The following MACF1 variants were observed in gnomAD, a reference collection of about 807,000 sequenced individuals.
MACF1 encodes the protein microtubule actin crosslinking factor 1, also known as microtubule-actin cross-linking factor 1.
In MACF1, 193 loss-of-function variants were observed where a neutral mutation model predicts 854.8. The ratio of observed to expected loss-of-function variants is 0.23; its 90% CI spans 0.20 to 0.25. The LOEUF is 0.25. Among genes scored for constraint, MACF1 ranks in the 10% least tolerant of loss-of-function variants. The probability of loss-of-function intolerance (pLI) is 1.00; values close to 1 mark genes in which losing one functional copy is unlikely to be tolerated. For synonymous variants in MACF1, 3,185 were observed against 3,226.7 expected (o/e 0.99, Z 0.44); for missense variants, 7,722 against 8,929.1 (o/e 0.86, Z 5.45).
At chr1:39,125,558 G>A (rs887848685) in intron 2 of MACF1, among the ~76,000 whole-genome samples, 5 of 152,140 alleles carry the variant, frequency 3.3e-5, no homozygotes, top group Admixed American at 3.3e-4. Flanking sequence ...AGATTCAAAA[G>A]GATTTAGACC....
At chr1:39,394,239 T>TTTGATTGATTGA (rs57627120) in intron 58 of MACF1, among the ~76,000 whole-genome samples, 3 of 149,578 alleles carry the variant, frequency 2.0e-5, no homozygotes, top group Non-Finnish European at 2.9e-5. Flanking sequence ...AACGCCTTCA[T>TTTGATTGATTGA]TTGATTGATT....
chr1:39,185,304 AAC>A (rs1553159283), intron 2 of MACF1, among the ~76,000 whole-genome samples: 2 of 151,154 alleles, frequency 1.3e-5, no homozygotes, highest in East Asian at 3.9e-4. Context: ...AAAAAAAAAA[AAC>A]AAAAAAGGAA....
upstream of MACF1, among the ~76,000 whole-genome samples, chr1:39,203,191 G>T (rs1201460951): frequency 1.3e-5 from 2 of 152,028 alleles, no homozygotes; most frequent in Non-Finnish European, 2.9e-5. Context: ...CTATATCATA[G>T]TGTAATAGGT....
intron 36 of MACF1, among the ~76,000 whole-genome samples, chr1:39,330,762 C>T (rs996699570): frequency 1.3e-5 from 2 of 151,172 alleles, no homozygotes; most frequent in African/African-American, 4.9e-5. Context: ...TTATCCCATG[C>T]TGGGTTTTCC....
intron 38 of MACF1, among the ~76,000 whole-genome samples, 159 bp downstream of exon 38, chr1:39,337,490 A>T (rs1003445476): frequency 6.6e-6 from 1 of 151,944 alleles, no homozygotes; most frequent in African/African-American, 2.4e-5. Flanking sequence ...CTACATTTGG[A>T]TAGACCGGAT....
In MACF1 at chr1:39,349,616, A is replaced by G; in HGVS notation, c.10954A>G (p.Ser3652Gly). 6.2e-7 allele frequency: 1 copy of G among 1,613,994 alleles called. No individual in the cohort carries two copies. The highest frequency in any genetic ancestry group is 8.5e-7 in the Non-Finnish European group (1 of 1,179,944). ...TCTCTCTGCTTTGCAGAAGAACCAA[A>G]GTGACTTGAAGGTCAGTGTGAATCT... ...QDLSALQKNQ[S>G]DLKDLQDDIQ... Residue 3652 changes from serine to glycine, a missense_variant, in exon 42 of 101, where the codon AGT (serine) becomes GGT (glycine). Around this residue, in one of 15 missense-constraint regions of MACF1, gnomAD observed 2,807 missense variants for 3,235.8 expected, o/e 0.87. Coordinates refer to ENST00000564288, the MANE Select transcript of MACF1 (RefSeq NM_001394062.1).
At chr1:39,154,614 T>G (rs1643646389) in intron 2 of MACF1, among the ~76,000 whole-genome samples, 1 of 152,194 alleles carries the variant, frequency 6.6e-6, no homozygotes, top group African/African-American at 2.4e-5. Flanking sequence ...CTCATTGGTC[T>G]AGATCTTTCT....
At chr1:39,153,515 C>T (rs1041055734) in intron 2 of MACF1, among the ~76,000 whole-genome samples, 1 of 152,156 alleles carries the variant, frequency 6.6e-6, no homozygotes, top group Non-Finnish European at 1.5e-5. Context: ...TGAGCTTATT[C>T]GAGGGTCTGT....
At chr1:39,136,440 T>TC (rs1266839835) in intron 2 of MACF1, among the ~76,000 whole-genome samples, 2 of 152,210 alleles carry the variant, frequency 1.3e-5, no homozygotes, top group Non-Finnish European at 2.9e-5. Flanking sequence ...CAACTGTGGA[T>TC]TCTCCTGTTT....
intron 2 of MACF1, among the ~76,000 whole-genome samples, chr1:39,095,954 A>AACCGGGAGGCAGAGGTC (rs1288085932): frequency 6.6e-6 from 1 of 152,006 alleles, no homozygotes; most frequent in African/African-American, 2.4e-5. Flanking sequence ...GAATCACTTG[A>AACCGGGAGGCAGAGGTC]GTCTGGGATA....
chr1:39,452,004 G>A (rs568391278), intron 85 of MACF1, 152 bp from the exon 86 acceptor site: 15 of 632,220 alleles, frequency 2.4e-5, no homozygotes, highest in African/African-American at 7.4e-5. Flanking sequence ...CACTGCGCCC[G>A]GCCTGGTTGT....
intron 1 of MACF1, among the ~76,000 whole-genome samples, chr1:39,225,597 T>A (rs1438175249): frequency 1.3e-5 from 2 of 152,208 alleles, no homozygotes; most frequent in South Asian, 2.1e-4. Flanking sequence ...AATCTGAAAC[T>A]TAGATGGACA....
rs1646767858 is a variant in MACF1 at position 39,333,820 on chromosome 1, T to G, written c.7232T>G (p.Ile2411Ser). ...GAGAGGCAGGTGGTGACTGGTGGAA[T>G]TATTGATCTGAAACGAGGCAAAAAA... Reference protein sequence around the residue: ...ILERQVVTGGIIDLKRGKKVS... With the variant: ...ILERQVVTGGSIDLKRGKKVS... The change falls in exon 37 of 101, where the codon ATT becomes AGT. Residue 2411 changes from isoleucine (I) to serine (S), a missense_variant. Ile to Ser is a moderately radical substitution (Grantham distance 142). This residue lies in a region of MACF1 where 1,531 missense variants were observed against 1,601.6 expected (regional missense o/e 0.96). Transcript: ENST00000564288. The G allele has an allele frequency of 6.2e-7, 1 of 1,614,014 alleles. No individual in the cohort carries two copies. The highest frequency in any genetic ancestry group is 1.7e-5 in the Admixed American group (1 of 59,994).
chr1:39,417,380 A>C (rs1034527021), intron 58 of MACF1, among the ~76,000 whole-genome samples: 2 of 152,206 alleles, frequency 1.3e-5, no homozygotes, highest in Non-Finnish European at 2.9e-5. Context: ...TAAGGGTTCT[A>C]TAAGATTACA....
intron 70 of MACF1, 77 bp downstream of exon 70, chr1:39,435,838 C>G (rs1404556677): frequency 1.5e-6 from 2 of 1,324,686 alleles, no homozygotes; most frequent in African/African-American, 1.5e-5. Flanking sequence ...AGGTATGTCT[C>G]TGTGCTCAGG....
intron 2 of MACF1, among the ~76,000 whole-genome samples, chr1:39,185,363 C>T (rs1644154889): frequency 6.6e-6 from 1 of 151,290 alleles, no homozygotes; most frequent in Non-Finnish European, 1.5e-5. Flanking sequence ...TGGTAGCTCA[C>T]ACCTGTAGTT....
chr1:39,352,854 A>G (rs993875564), intron 43 of MACF1, among the ~76,000 whole-genome samples, 153 bp from the exon 44 acceptor site: 9 of 152,082 alleles, frequency 5.9e-5, no homozygotes, highest in African/African-American at 1.9e-4. Context: ...ATTTTAAAAG[A>G]TATGAATTCT....
intron 43 of MACF1, among the ~76,000 whole-genome samples, chr1:39,352,186 T>G (rs1006594152): frequency 5.3e-5 from 8 of 152,188 alleles, no homozygotes; most frequent in African/African-American, 1.9e-4. Context: ...TGAAATAGAT[T>G]AATATATAAC....
At chr1:39,221,105 TAAG>T (rs1422765358) in intron 1 of MACF1, among the ~76,000 whole-genome samples, 1 of 152,122 alleles carries the variant, frequency 6.6e-6, no homozygotes, top group Non-Finnish European at 1.5e-5. Flanking sequence ...TTGGAAACAG[TAAG>T]AAGATCGGAA....
Sources: gnomAD v4.1 joint callset for allele counts (sites outside exome capture counted in the v4.1 genomes callset) on GRCh38, gnomAD v4.1.1 for gene constraint, gnomAD v4.1.1 regional missense constraint, MANE v1.5 for transcripts, NCBI Gene and HGNC (gene_info 2026-07-23, HGNC 2026-07-21) for gene names.